LIN54: variants seen among roughly 807,000 people sequenced by gnomAD.
LIN54 encodes the protein protein lin-54 homolog.
In LIN54, 9 loss-of-function variants were observed where a neutral mutation model predicts 78.7. That is an observed-to-expected ratio of 0.11 (90% CI 0.07 to 0.20). The LOEUF (loss-of-function observed/expected upper bound fraction) is 0.20, where lower values mean the gene tolerates loss of function less well. LIN54 is among the 10% of genes least tolerant of loss of function. The pLI is 1.00. For missense variants in LIN54, 573 were observed against 889.9 expected (o/e 0.64, Z 4.53); for synonymous variants, 269 against 318.4 (o/e 0.84, Z 1.65).
chr4:82,983,727 T>C (rs1006363643), intron 2 of LIN54, among the ~76,000 whole-genome samples: 1 of 152,044 alleles, frequency 6.6e-6, no homozygotes, highest in Non-Finnish European at 1.5e-5. Context: ...CACGCACTAT[T>C]ACTGGCTCTG....
intron 3 of LIN54, 95 bp from the exon 4 acceptor site, chr4:82,970,564 G>A (rs367853900): frequency 6.9e-5 from 78 of 1,131,218 alleles, no homozygotes; most frequent in South Asian, 5.1e-4. Flanking sequence ...ACTGCAGAAT[G>A]TATGTTTGTT....
chr4:82,967,738 T>G (rs1192858214), intron 4 of LIN54, among the ~76,000 whole-genome samples: 1 of 152,210 alleles, frequency 6.6e-6, no homozygotes, highest in Non-Finnish European at 1.5e-5. Context: ...AATATCTCCA[T>G]TAAGTCCACA....
chr4:82,966,471 CAGAAAT>C (rs1725210717), intron 4 of LIN54, among the ~76,000 whole-genome samples: 2 of 148,486 alleles, frequency 1.3e-5, no homozygotes, highest in Non-Finnish European at 3.0e-5. Context: ...AAAAAAAAGA[CAGAAAT>C]AGAAGAGAAT....
chr4:82,933,098 G>A (rs565002657), intron 11 of LIN54, among the ~76,000 whole-genome samples: 38 of 151,926 alleles, frequency 2.5e-4, no homozygotes, highest in African/African-American at 8.7e-4. Context: ...AAAAATGGAT[G>A]TAAGTTTGTG....
At chr4:83,005,669 C>T (rs955966475) in intron 1 of LIN54, among the ~76,000 whole-genome samples, 3 of 151,782 alleles carry the variant, frequency 2.0e-5, no homozygotes, top group Non-Finnish European at 4.4e-5. Flanking sequence ...CTGGCGAGGC[C>T]GTGGGAACAC....
intron 5 of LIN54, among the ~76,000 whole-genome samples, chr4:82,940,442 G>C (rs920314077): frequency 6.6e-6 from 1 of 152,090 alleles, no homozygotes; most frequent in South Asian, 2.1e-4. Flanking sequence ...ACCCAGGCTG[G>C]AGTGTAGTGG....
intron 3 of LIN54, among the ~76,000 whole-genome samples, chr4:82,975,329 G>C (rs998189274): frequency 1.7e-4 from 26 of 149,012 alleles, no homozygotes; most frequent in Non-Finnish European, 3.6e-4. Context: ...GAGTGAAACT[G>C]CATCTCAAAA....
intron 1 of LIN54, among the ~76,000 whole-genome samples, chr4:83,009,807 A>T (rs185927069): frequency 6.6e-6 from 1 of 152,348 alleles, no homozygotes; most frequent in East Asian, 1.9e-4. Context: ...GAGAGCTCCT[A>T]GAGCTGTATT....
intron 4 of LIN54, among the ~76,000 whole-genome samples, chr4:82,947,235 A>ATATATATATATTTTTTTTT: frequency 1.4e-4 from 6 of 44,292 alleles, no homozygotes; most frequent in Admixed American, 4.1e-4. Flanking sequence ...ATATATATAT[A>ATATATATATATTTTTTTTT]TTTTTTTTTT....
intron 4 of LIN54, among the ~76,000 whole-genome samples, chr4:82,962,247 A>G (rs1391340358): frequency 6.6e-6 from 1 of 152,028 alleles, no homozygotes; most frequent in Non-Finnish European, 1.5e-5. Flanking sequence ...ATTTGACCCA[A>G]TCCCACAGAA....
At chr4:82,959,393 G>A (rs1471763631) in intron 4 of LIN54, among the ~76,000 whole-genome samples, 1 of 151,994 alleles carries the variant, frequency 6.6e-6, no homozygotes, top group Non-Finnish European at 1.5e-5. Flanking sequence ...TATTCAGGAG[G>A]CTGAGGCAAG....
rs535313840 is a variant in LIN54, at chr4:82,932,826, A to C, written c.1846-1681T>G. ...GGCAATAAGAATGAAACACCATCTC[A>C]AAAAAATATATATATATATAATCTG... is the stretch of plus-strand genomic sequence containing the variant. On this transcript the variant is annotated intron_variant, in intron 11 of 12. Transcript: ENST00000340417. Among the ~76,000 whole-genome samples, 4 of 151,846 alleles carry C rather than the reference A, an allele frequency of 2.6e-5. No individual in the cohort carries two copies. In the South Asian group the frequency reaches 8.3e-4, roughly 32 times the overall value.
At chr4:82,981,307 A>G (rs903570867) in intron 2 of LIN54, among the ~76,000 whole-genome samples, 9 of 152,174 alleles carry the variant, frequency 5.9e-5, no homozygotes, top group Non-Finnish European at 1.2e-4. Context: ...AACATGGGAA[A>G]GTGTTTATAT....
chr4:82,940,926 A>G (rs1362322478), intron 5 of LIN54, among the ~76,000 whole-genome samples: 1 of 152,102 alleles, frequency 6.6e-6, no homozygotes, highest in Non-Finnish European at 1.5e-5. Flanking sequence ...TGATCAGAAC[A>G]CTGCCCTACA....
rs1395870863 is a variant in LIN54 at position 82,925,864 on chromosome 4, A to G, written c.*2238T>C. 1 of 152,634 alleles carries G rather than the reference A, an allele frequency of 6.6e-6. No individual in the cohort carries two copies. The highest frequency in any genetic ancestry group is 2.4e-5 in the African/African-American group (1 of 41,468). 9.5% of individuals were successfully genotyped at this position (152,634 alleles called of 1,614,324 possible). The stretch of plus-strand genomic sequence containing the variant: ...GGGATGTAAATAGAGCTAAAAAATT[A>G]TATACCCAACCCTCCCCAAATAGTC... On this transcript the variant is annotated 3_prime_UTR_variant, in exon 13 of 13. Transcript: ENST00000340417.
chr4:82,967,825 C>T (rs1326129276), intron 4 of LIN54, among the ~76,000 whole-genome samples: 1 of 152,166 alleles, frequency 6.6e-6, no homozygotes, highest in African/African-American at 2.4e-5. Flanking sequence ...TGTCCTTTCT[C>T]CTTTAATCTT....
chr4:82,941,174 ATC>A (rs1722848063), intron 5 of LIN54, among the ~76,000 whole-genome samples: 1 of 143,058 alleles, frequency 7.0e-6, no homozygotes, highest in Non-Finnish European at 1.6e-5. Context: ...ATATATATAT[ATC>A]GTTGGCAGAG....
chr4:83,008,590 T>C (rs1729600392), intron 1 of LIN54, among the ~76,000 whole-genome samples: 1 of 152,140 alleles, frequency 6.6e-6, no homozygotes, highest in African/African-American at 2.4e-5. Context: ...ACGCGGAGCT[T>C]GCAGGGAGCC....
chr4:83,000,583 C>G (rs1560793602), intron 1 of LIN54, among the ~76,000 whole-genome samples: 1 of 152,160 alleles, frequency 6.6e-6, no homozygotes, highest in East Asian at 1.9e-4. Flanking sequence ...ACTCAGAACC[C>G]CATGTTTTCA....
Sources: gnomAD v4.1 joint callset for allele counts (sites outside exome capture counted in the v4.1 genomes callset) on GRCh38, gnomAD v4.1.1 for gene constraint, MANE v1.5 for transcripts, NCBI Gene and HGNC (gene_info 2026-07-23, HGNC 2026-07-21) for gene names.